The following MAN1A1 variants were observed in gnomAD, a reference collection of about 807,000 sequenced individuals.
MAN1A1 encodes the protein mannosyl-oligosaccharide 1,2-alpha-mannosidase IA.
In MAN1A1, 29 loss-of-function variants were observed where a neutral mutation model predicts 70.8. The observed-to-expected ratio is 0.41, with a 90% CI of 0.31 to 0.56. The LOEUF (loss-of-function observed/expected upper bound fraction) is 0.56, where lower values mean the gene tolerates loss of function less well. MAN1A1 is among the 20% of genes least tolerant of loss of function. MAN1A1 has a pLI of 0.29. For synonymous variants in MAN1A1, 349 were observed against 330.1 expected (o/e 1.06, Z -0.62); for missense variants, 747 against 841.3 (o/e 0.89, Z 1.39).
intron 2 of MAN1A1, among the ~76,000 whole-genome samples, chr6:119,323,803 G>T (rs1248656241): frequency 6.6e-6 from 1 of 152,116 alleles, no homozygotes; most frequent in Non-Finnish European, 1.5e-5. Context: ...TGATAGGAGA[G>T]GTGGTGGAGA....
intron 6 of MAN1A1, among the ~76,000 whole-genome samples, chr6:119,244,176 T>G (rs1266061847): frequency 1.3e-5 from 2 of 152,032 alleles, no homozygotes; most frequent in Non-Finnish European, 2.9e-5. Flanking sequence ...AATGGTGAAA[T>G]GCCTGATTTT....
At chr6:119,276,892 C>T (rs1367412272) in intron 5 of MAN1A1, among the ~76,000 whole-genome samples, 1 of 152,082 alleles carries the variant, frequency 6.6e-6, no homozygotes, top group Non-Finnish European at 1.5e-5. Context: ...TCTTTTCTAA[C>T]CCTAGCCTTC....
At position 119,348,634 on chromosome 6, in the gene MAN1A1, C is replaced by T. The variant is rs562573495; in HGVS notation, c.432G>A (p.Glu144=). 1.2e-6 allele frequency: 2 copies of T among 1,613,978 alleles called. No homozygotes were observed. The highest frequency in any genetic ancestry group is 1.3e-5 in the African/African-American group (1 of 75,056). ...CCAGTAGGATGTCTCTTTGGATCTC[C>T]TCGGGCAGCTTCTGCAGGGTCTCCT... ...EAKETLQKLP[E]EIQRDILLEK... Residue 144 remains glutamate, a synonymous_variant, in exon 2 of 13, where the codon GAG becomes GAA. Coordinates refer to ENST00000368468, the MANE Select transcript of MAN1A1 (RefSeq NM_005907.4).
intron 6 of MAN1A1, among the ~76,000 whole-genome samples, chr6:119,240,330 T>C (rs1021214672): frequency 6.6e-6 from 1 of 152,136 alleles, no homozygotes; most frequent in African/African-American, 2.4e-5. Flanking sequence ...TCTGAAAGTA[T>C]AGAAAAATAT....
chr6:119,206,822 A>C (rs971291334), intron 6 of MAN1A1, among the ~76,000 whole-genome samples: 2 of 152,214 alleles, frequency 1.3e-5, no homozygotes, highest in Non-Finnish European at 2.9e-5. Context: ...CAAAACTACA[A>C]ATTTCTGTGG....
At chr6:119,204,032 A>G (rs1439817375) in intron 7 of MAN1A1, among the ~76,000 whole-genome samples, 2 of 152,154 alleles carry the variant, frequency 1.3e-5, no homozygotes, top group Non-Finnish European at 2.9e-5. Context: ...AAAAGACAGA[A>G]GGAGCATCCA....
At chr6:119,208,557 A>G (rs890845289) in intron 6 of MAN1A1, among the ~76,000 whole-genome samples, 5 of 152,186 alleles carry the variant, frequency 3.3e-5, no homozygotes, top group African/African-American at 1.2e-4. Flanking sequence ...AGAAGGCATA[A>G]TTATTTACAG....
chr6:119,341,623 T>A (rs1773594825), intron 2 of MAN1A1, among the ~76,000 whole-genome samples: 1 of 152,184 alleles, frequency 6.6e-6, no homozygotes, highest in African/African-American at 2.4e-5. Flanking sequence ...AGCTACAAAA[T>A]AAAACTGATT....
chr6:119,270,743 A>AC (rs1775895809), intron 5 of MAN1A1, among the ~76,000 whole-genome samples: 1 of 152,176 alleles, frequency 6.6e-6, no homozygotes, highest in Non-Finnish European at 1.5e-5. Flanking sequence ...TGGGTATAAA[A>AC]ATCTTTGTTT....
chr6:119,180,792 C>T (rs11967793), intron 11 of MAN1A1, among the ~76,000 whole-genome samples: 2 of 151,882 alleles, frequency 1.3e-5, no homozygotes, highest in African/African-American at 4.8e-5. Context: ...GGGATTACAG[C>T]CATGAGCCAC....
At chr6:119,249,024 G>T (rs142641158) in intron 5 of MAN1A1, among the ~76,000 whole-genome samples, 312 of 152,280 alleles carry the variant, frequency 2.0e-3, no homozygotes, top group Admixed American at 2.7e-3. Context: ...AATACTAGGT[G>T]AGTTCAGTGA....
At chr6:119,340,929 C>T (rs570085252) in intron 2 of MAN1A1, among the ~76,000 whole-genome samples, 4 of 152,122 alleles carry the variant, frequency 2.6e-5, no homozygotes, top group Non-Finnish European at 5.9e-5. Flanking sequence ...AACTTAAGAG[C>T]CAGGGAGATG....
chr6:119,235,086 C>T (rs983803998), intron 6 of MAN1A1, among the ~76,000 whole-genome samples: 4 of 152,138 alleles, frequency 2.6e-5, no homozygotes, highest in African/African-American at 7.2e-5. Flanking sequence ...CCAGCTGTTT[C>T]GCATTTCTCT....
At chr6:119,229,282 T>C (rs1774610003) in intron 6 of MAN1A1, among the ~76,000 whole-genome samples, 1 of 151,362 alleles carries the variant, frequency 6.6e-6, no homozygotes, top group African/African-American at 2.4e-5. Context: ...AGAGGTTCCA[T>C]GGTGAAAAAA....
At chr6:119,231,619 A>G (rs1400267681) in intron 6 of MAN1A1, among the ~76,000 whole-genome samples, 1 of 152,112 alleles carries the variant, frequency 6.6e-6, no homozygotes, top group African/African-American at 2.4e-5. Flanking sequence ...TGGAGGGAAG[A>G]GCAAAGGTCT....
At chr6:119,198,966 G>A (rs767063242) in intron 8 of MAN1A1, among the ~76,000 whole-genome samples, 3 of 152,052 alleles carry the variant, frequency 2.0e-5, no homozygotes, top group African/African-American at 7.2e-5. Context: ...ATGAATTTTC[G>A]TATTGTTACA....
intron 2 of MAN1A1, among the ~76,000 whole-genome samples, chr6:119,317,893 A>C (rs1582798953): frequency 2.0e-5 from 3 of 151,972 alleles, no homozygotes; most frequent in Admixed American, 1.3e-4. Context: ...TAAAAAAAAA[A>C]CAAAAAAAAC....
intron 6 of MAN1A1, among the ~76,000 whole-genome samples, chr6:119,238,883 CTATTATTAT>C (rs757891513): frequency 6.6e-6 from 1 of 151,542 alleles, no homozygotes; most frequent in Non-Finnish European, 1.5e-5. Flanking sequence ...GAAACTGGGT[CTATTATTAT>C]TATTATTATT....
rs763220435 is a variant in MAN1A1 at position 119,201,382 on chromosome 6, TA to T, written c.1117-36del. The T allele has an allele frequency of 3.8e-4, 541 of 1,427,984 alleles. 3 individuals carry two copies. Among genetic ancestry groups the T allele is most frequent in the Non-Finnish European group, 1.1e-5 (11 of 1,014,018 alleles). 88.5% of individuals were successfully genotyped at this position (1,427,984 alleles called of 1,614,324 possible). On this transcript the variant is annotated intron_variant, in intron 7 of 12. Coordinates refer to ENST00000368468, the MANE Select transcript of MAN1A1 (RefSeq NM_005907.4). ...AAAATAAAATGTTACCGTGAAAATC[TA>T]AAAAACAATTTTCATGCCATTCTTC... is the stretch of plus-strand genomic sequence containing the variant.
Sources: gnomAD v4.1 joint callset for allele counts (sites outside exome capture counted in the v4.1 genomes callset) on GRCh38, gnomAD v4.1.1 for gene constraint, MANE v1.5 for transcripts, NCBI Gene and HGNC (gene_info 2026-07-23, HGNC 2026-07-21) for gene names.